Variants in KANK1 observed in about 807,000 individuals in gnomAD.
KANK1 encodes KN motif and ankyrin repeat domain-containing protein 1.
Under a neutral mutation model 106.2 loss-of-function variants are expected in KANK1, and 109 were observed. The observed-to-expected ratio is 1.03, with a 90% confidence interval of 0.88 to 1.20. KANK1 has a LOEUF of 1.20. KANK1 is among the 50% of genes most tolerant of loss of function. The probability of loss-of-function intolerance (pLI) is 0.00; values close to 1 mark genes in which losing one functional copy is unlikely to be tolerated. For synonymous variants in KANK1, 873 were observed against 652.2 expected, an observed-to-expected ratio of 1.34 and a Z score of -5.16; for missense variants, 2,399 against 1,710.7, an observed-to-expected ratio of 1.40 and a Z score of -7.10.
At chr9:574,596 C>T (rs571627622) in intron 1 of KANK1, among the ~76,000 whole-genome samples, 19 of 152,130 alleles carry the variant, frequency 1.2e-4, no homozygotes, top group Non-Finnish European at 2.2e-4. Context: ...GTGGCTTATG[C>T]CTGTAATCCC....
At chr9:605,963 C>T (rs1240042205) in intron 1 of KANK1, among the ~76,000 whole-genome samples, 1 of 151,602 alleles carries the variant, frequency 6.6e-6, no homozygotes, top group African/African-American at 2.4e-5. Flanking sequence ...GACTCCCTTC[C>T]CATTAGAATA....
At chr9:527,707 T>TTC (rs1287169132) in intron 1 of KANK1, among the ~76,000 whole-genome samples, 1 of 151,330 alleles carries the variant, frequency 6.6e-6, no homozygotes, top group Non-Finnish European at 1.5e-5. Context: ...TTTTTTTTTT[T>TTC]TCTTTTACCT....
chr9:651,406 T>G (rs556197792), intron 1 of KANK1, among the ~76,000 whole-genome samples: 1 of 152,222 alleles, frequency 6.6e-6, no homozygotes, highest in Non-Finnish European at 1.5e-5. Flanking sequence ...CATACTAATT[T>G]AGGAAACGTG....
chr9:593,770 A>G (rs1191084024), intron 1 of KANK1, among the ~76,000 whole-genome samples: 1 of 151,910 alleles, frequency 6.6e-6, no homozygotes, highest in Non-Finnish European at 1.5e-5. Flanking sequence ...ACAGAAGTGA[A>G]TTCTTCCAAA....
At chr9:731,890 G>C (rs45568232) in intron 5 of KANK1, 1 of 157,788 alleles carries the variant, frequency 6.3e-6, no homozygotes, top group Admixed American at 6.0e-5. Flanking sequence ...TACCATTAGG[G>C]TTTAACCTTA....
At position 533,976 on chromosome 9, in the gene KANK1, T is replaced by A. The variant is rs531072331; in HGVS notation, c.-84+29222T>A. ...CCCAGATTTCACATTTATGTTGAGATAAGGAGAATAATGTAAGTCACCCAG... is the reference window on the plus strand; with the variant it reads ...CCCAGATTTCACATTTATGTTGAGAAAAGGAGAATAATGTAAGTCACCCAG... On this transcript the variant is annotated intron_variant, in intron 1 of 11. Transcript: ENST00000382297. Among the ~76,000 whole-genome samples, 15 of 152,282 alleles carry A rather than the reference T, an allele frequency of 9.9e-5. No homozygotes were observed. In the South Asian group the frequency reaches 2.5e-3, roughly 25 times the overall value.
chr9:502,390 C>G (rs1174438563), upstream of KANK1, among the ~76,000 whole-genome samples: 1 of 152,126 alleles, frequency 6.6e-6, no homozygotes. Context: ...TATAAATCCA[C>G]TAAAAATTCA....
At chr9:584,144 A>G (rs1822857715) in intron 1 of KANK1, among the ~76,000 whole-genome samples, 1 of 152,224 alleles carries the variant, frequency 6.6e-6, no homozygotes. Flanking sequence ...AAGTGCTTCA[A>G]GGGAATTTAT....
intron 1 of KANK1, among the ~76,000 whole-genome samples, chr9:657,280 A>C (rs1842359522): frequency 1.3e-5 from 2 of 152,100 alleles, no homozygotes; most frequent in Admixed American, 1.3e-4. Flanking sequence ...CTGTTAATGG[A>C]CTTTTAGGTT....
At chr9:659,005 A>C (rs1478656873) in intron 1 of KANK1, among the ~76,000 whole-genome samples, 1 of 151,374 alleles carries the variant, frequency 6.6e-6, no homozygotes, top group African/African-American at 2.5e-5. Context: ...CTCACTCAAC[A>C]CCTGTTTTTT....
chr9:691,124 AAAG>A (rs1199378375), intron 2 of KANK1, among the ~76,000 whole-genome samples: 1 of 152,174 alleles, frequency 6.6e-6, no homozygotes, highest in Non-Finnish European at 1.5e-5. Context: ...ATCGTCTGAT[AAAG>A]GACTAGGCAT....
rs372115528 is a variant in KANK1, at chr9:595,358, G to A, written c.-83-81532G>A. On this transcript the variant is annotated intron_variant, in intron 1 of 11. Coordinates refer to ENST00000382297, the MANE Select transcript of KANK1 (RefSeq NM_015158.5). Reference sequence around the variant, plus strand: ...GCTCTTTCTGGTGTGAATTTCTCTTGCTGTGAAAGCACTCTGAAGGGGAGA... The same window carrying A: ...GCTCTTTCTGGTGTGAATTTCTCTTACTGTGAAAGCACTCTGAAGGGGAGA... Among the ~76,000 whole-genome samples the A allele has an allele frequency of 7.7e-4, 117 of 151,982 alleles. 1 individual carries two copies. Among genetic ancestry groups the A allele is most frequent in the Non-Finnish European group, 1.2e-4 (8 of 68,028 alleles).
chr9:515,224 A>G (rs1168430788), intron 1 of KANK1, among the ~76,000 whole-genome samples: 1 of 151,450 alleles, frequency 6.6e-6, no homozygotes, highest in Non-Finnish European at 1.5e-5. Context: ...GGGAGCCTGT[A>G]GTCCCAGCTA....
At chr9:682,805 A>G (rs897942358) in intron 2 of KANK1, among the ~76,000 whole-genome samples, 25 of 152,202 alleles carry the variant, frequency 1.6e-4, no homozygotes, top group African/African-American at 5.5e-4. Context: ...TTTTGTCTCT[A>G]TGCTGATCTT....
rs902763898 is a variant in KANK1, at chr9:648,253, C to T, written c.-83-28637C>T. On this transcript the variant is annotated intron_variant, in intron 1 of 11. Coordinates refer to ENST00000382297, the MANE Select transcript of KANK1 (RefSeq NM_015158.5). The stretch of plus-strand genomic sequence containing the variant: ...TCTTGACCCTGTGATCCGCCTGCCC[C>T]AGCCTCCCAAAGTGCTGAGATTACA... Among the ~76,000 whole-genome samples, 24 of 152,034 alleles carry T rather than the reference C, an allele frequency of 1.6e-4. 1 individual carries two copies. Among genetic ancestry groups the T allele is most frequent in the African/African-American group, 5.6e-4 (23 of 41,408 alleles).
chr9:621,632 C>A (rs965996144), intron 1 of KANK1, among the ~76,000 whole-genome samples: 2 of 152,046 alleles, frequency 1.3e-5, no homozygotes, highest in African/African-American at 2.4e-5. Flanking sequence ...TTTCTGCCTT[C>A]CCATGACGAG....
intron 2 of KANK1, among the ~76,000 whole-genome samples, chr9:692,388 C>A (rs542146365): frequency 3.9e-5 from 6 of 152,032 alleles, no homozygotes; most frequent in Non-Finnish European, 8.8e-5. Context: ...TAAAAAATAA[C>A]AAACTAAAAA....
Position 692,833 on chromosome 9 carries a change from A to G in KANK1, c.37+15824A>G, listed in dbSNP as rs550584925. On this transcript the variant is annotated intron_variant, in intron 2 of 11. Transcript: ENST00000382297. ...CATTCGAGCCCAACCTGGGCAACAT[A>G]GTAAGACCCCATCACTACAAGAAAA... 4.6e-5 allele frequency among the ~76,000 whole-genome samples: 7 copies of G among 152,190 alleles called. No homozygotes were observed. The South Asian group carries it at 1.5e-3, about 32-fold the overall frequency.
At chr9:514,192 CT>C (rs2059171446) in intron 1 of KANK1, among the ~76,000 whole-genome samples, 1 of 87,462 alleles carries the variant, frequency 1.1e-5, no homozygotes, top group Non-Finnish European at 2.0e-5. Context: ...CTCTCCCTCC[CT>C]TCCTCCCTCC....
Sources: allele counts gnomAD v4.1 joint callset (sites outside exome capture counted in the v4.1 genomes callset), GRCh38; gene constraint gnomAD v4.1.1; transcripts MANE v1.5; gene names NCBI Gene and HGNC (gene_info 2026-07-23, HGNC 2026-07-21).